Variants in NPLOC4 observed in about 807,000 individuals in gnomAD.
NPLOC4 encodes NPL4 homolog, ubiquitin recognition factor.
NPLOC4 carries 18 observed loss-of-function variants against 80.6 expected under a neutral mutation model. The observed-to-expected ratio is 0.22, with a 90% CI of 0.15 to 0.33. The LOEUF (loss-of-function observed/expected upper bound fraction) is 0.33. Ranked by LOEUF, NPLOC4 falls within the 10% of genes least tolerant of loss-of-function variation. The pLI is 1.00. For missense variants in NPLOC4, 540 were observed against 786.1 expected (o/e 0.69, Z 3.74); for synonymous variants, 313 against 301.5 (o/e 1.04, Z -0.39).
intron 16 of NPLOC4, among the ~76,000 whole-genome samples, chr17:81,559,877 C>T (rs535528554): frequency 6.6e-6 from 1 of 151,790 alleles, no homozygotes; most frequent in Non-Finnish European, 1.5e-5. Flanking sequence ...GGATTACAGG[C>T]ATGAACCACA....
At position 81,619,505 on chromosome 17, in the gene NPLOC4, A is replaced by T. The variant is rs371136316; in HGVS notation, c.209+2661T>A. On this transcript the variant is annotated intron_variant, in intron 3 of 16. Coordinates refer to ENST00000331134, the MANE Select transcript of NPLOC4 (RefSeq NM_017921.4). ...GCAGAGGTTGTGGTGAGCTGAGACC[A>T]TGCCACTGCACTCTAGCCTGGGCAA... Among the ~76,000 whole-genome samples, 10 of 147,964 alleles carry T rather than the reference A, an allele frequency of 6.8e-5. No individual in the cohort carries two copies. In the East Asian group the frequency reaches 1.2e-3, roughly 18 times the overall value.
At chr17:81,611,612 A>G (rs548918330) in intron 4 of NPLOC4, among the ~76,000 whole-genome samples, 9 of 151,730 alleles carry the variant, frequency 5.9e-5, no homozygotes, top group African/African-American at 2.2e-4. Flanking sequence ...AGCCTCCCAA[A>G]GTGCTGGGAT....
chr17:81,571,009 G>A (rs1217774442), intron 13 of NPLOC4, among the ~76,000 whole-genome samples: 1 of 152,060 alleles, frequency 6.6e-6, no homozygotes, highest in Non-Finnish European at 1.5e-5. Flanking sequence ...AATCATGCCT[G>A]CTCCTCCTGG....
At position 81,577,247 on chromosome 17, in the gene NPLOC4, T is replaced by C. The variant is rs1168471512; in HGVS notation, c.1282-5159A>G. On this transcript the variant is annotated intron_variant, in intron 12 of 16. Transcript: ENST00000331134. The surrounding 1 kb of genome is among the most constrained non-coding windows in gnomAD (Gnocchi z 4.3). ...TGACCCGCCCCACCCCATCACTGTG[T>C]AGTCCTCGCCAGACTGCCTGTCCGC... is the stretch of plus-strand genomic sequence containing the variant. 6.6e-6 allele frequency among the ~76,000 whole-genome samples: 1 copy of C among 152,030 alleles called. No individual in the cohort carries two copies. Among genetic ancestry groups the C allele is most frequent in the Non-Finnish European group, 1.5e-5 (1 of 67,996 alleles).
Position 81,577,604 on chromosome 17 carries a change from C to T in NPLOC4, c.1282-5516G>A, listed in dbSNP as rs765191176. 6.6e-6 allele frequency among the ~76,000 whole-genome samples: 1 copy of T among 152,166 alleles called. No individual in the cohort carries two copies. The highest frequency in any genetic ancestry group is 6.5e-5 in the Admixed American group (1 of 15,272). The stretch of plus-strand genomic sequence containing the variant: ...CTCCACAGATAGTCTGAAAAGGGAA[C>T]TATTGGCCTGTATCTCTTGCCTGAG... On this transcript the variant is annotated intron_variant, in intron 12 of 16. Transcript: ENST00000331134. This position sits in a 1 kb window ranked among gnomAD's most constrained non-coding sequence, Gnocchi z 4.3.
rs762577157 is a variant in NPLOC4, at chr17:81,564,105, C to CACACACACACACACACACACACAG, written c.1669+1399_1669+1400insCTGTGTGTGTGTGTGTGTGTGTGT. 5.9e-3 allele frequency: 1,986 copies of CACACACACACACACACACACACAG among 334,386 alleles called. 9 individuals are homozygous for CACACACACACACACACACACACAG. The highest frequency in any genetic ancestry group is 0.011 in the Middle Eastern group (10 of 920). 20.7% of individuals were successfully genotyped at this position (334,386 alleles called of 1,614,324 possible). A position where few individuals can be genotyped will look rare whatever the true frequency, so the allele number is the denominator to read the frequency against. On this transcript the variant is annotated intron_variant, in intron 16 of 16. Transcript: ENST00000331134. ...CAAAACACACACACACACACACACACACACACACACACAAAGAGCAGGGCG... is the reference window on the plus strand; with the variant it reads ...CAAAACACACACACACACACACACACACACACACACACACACACACACAGACACACACACACAAAGAGCAGGGCG...
At chr17:81,616,333 A>AAAAAAAAAAAAAAAAAGAAAC (rs780878214) in intron 3 of NPLOC4, among the ~76,000 whole-genome samples, 3 of 115,612 alleles carry the variant, frequency 2.6e-5, no homozygotes, top group Admixed American at 1.0e-4. Context: ...AAAAAAAAAA[A>AAAAAAAAAAAAAAAAAGAAAC]AAAAAGAAAA....
rs575167333 is a variant in NPLOC4 at position 81,618,507 on chromosome 17, G to A, written c.209+3659C>T. On this transcript the variant is annotated intron_variant, in intron 3 of 16. Coordinates refer to ENST00000331134, the MANE Select transcript of NPLOC4 (RefSeq NM_017921.4). ...AGGTGGGGGGTCAGCGACCCCGCCC[G>A]GCCAGCCGCCCCGTCCGGGAGGGAG... 7.0e-3 allele frequency among the ~76,000 whole-genome samples: 914 copies of A among 130,888 alleles called. 16 individuals carry two copies. Among genetic ancestry groups the A allele is most frequent in the Middle Eastern group, 0.023 (6 of 256 alleles). 85.9% of individuals were successfully genotyped at this position (130,888 alleles called of 152,430 possible). A position where few individuals can be genotyped will look rare whatever the true frequency, so the allele number is the denominator to read the frequency against.
intron 3 of NPLOC4, among the ~76,000 whole-genome samples, chr17:81,616,798 T>C (rs531736043): frequency 1.2e-3 from 178 of 150,524 alleles, no homozygotes; most frequent in Non-Finnish European, 1.6e-3. Context: ...TAACAGAGAG[T>C]TAGACTGCCA....
At chr17:81,587,061 C>A (rs541699328) in intron 12 of NPLOC4, among the ~76,000 whole-genome samples, 1 of 152,146 alleles carries the variant, frequency 6.6e-6, no homozygotes, top group Non-Finnish European at 1.5e-5. Flanking sequence ...AGACGGTCCA[C>A]GGAAAACACA....
intron 13 of NPLOC4, 74 bp from the exon 14 acceptor site, chr17:81,569,185 C>G: frequency 1.1e-6 from 1 of 937,868 alleles, no homozygotes; most frequent in Admixed American, 1.9e-5. Flanking sequence ...CAGCCCAGAG[C>G]ATCTCCCAGA....
At chr17:81,592,847 G>T (rs1006212705) in intron 11 of NPLOC4, among the ~76,000 whole-genome samples, 10 of 152,210 alleles carry the variant, frequency 6.6e-5, no homozygotes, top group Non-Finnish European at 1.3e-4. Flanking sequence ...GGCCGGGTGT[G>T]TTGGCATGCG....
intron 15 of NPLOC4, among the ~76,000 whole-genome samples, chr17:81,566,160 C>T (rs1230481687): frequency 6.6e-6 from 1 of 152,128 alleles, no homozygotes; most frequent in Non-Finnish European, 1.5e-5. Flanking sequence ...GGCGAAACCC[C>T]GTCTCTACTA....
rs541893864 is a variant in NPLOC4, at chr17:81,580,827, A to G, written c.1281+8117T>C. Among the ~76,000 whole-genome samples the G allele has an allele frequency of 1.3e-5, 2 of 152,352 alleles. No individual in the cohort carries two copies. Among genetic ancestry groups the G allele is most frequent in the Non-Finnish European group, 2.9e-5 (2 of 68,032 alleles). On this transcript the variant is annotated intron_variant, in intron 12 of 16. Coordinates refer to ENST00000331134, the MANE Select transcript of NPLOC4 (RefSeq NM_017921.4). The surrounding 1 kb of genome is among the most constrained non-coding windows in gnomAD (Gnocchi z 4.4). Reference sequence around the variant, plus strand: ...AATGGATGCCGTGAGAGCATCGCACAGTGAATCAGGTCAGTGCTACCAAGG... The same window carrying G: ...AATGGATGCCGTGAGAGCATCGCACGGTGAATCAGGTCAGTGCTACCAAGG...
intron 3 of NPLOC4, among the ~76,000 whole-genome samples, chr17:81,615,819 T>C (rs1280738761): frequency 1.3e-5 from 2 of 152,140 alleles, no homozygotes; most frequent in Non-Finnish European, 2.9e-5. Flanking sequence ...CCCATCTGCC[T>C]CTATCCAGTA....
intron 5 of NPLOC4, among the ~76,000 whole-genome samples, chr17:81,609,563 G>T (rs1328358884): frequency 6.6e-6 from 1 of 152,168 alleles, no homozygotes; most frequent in Non-Finnish European, 1.5e-5. Flanking sequence ...TCTGGCCCTG[G>T]CCTCCCAAAG....
Position 81,567,020 on chromosome 17 carries a change from A to G in NPLOC4, c.1566+397T>C, listed in dbSNP as rs954177121. ...GCAATAAAACCAGAGTTGATTTAGG[A>G]GGAGGGGAGATATGAGTAAAAAGCA... is the stretch of plus-strand genomic sequence containing the variant. On this transcript the variant is annotated intron_variant, in intron 15 of 16. Transcript: ENST00000331134. This position sits in a 1 kb window ranked among gnomAD's most constrained non-coding sequence, Gnocchi z 4.5. 1.6e-5 allele frequency: 3 copies of G among 185,544 alleles called. No individual in the cohort carries two copies. Among genetic ancestry groups the G allele is most frequent in the African/African-American group, 4.7e-5 (2 of 42,300 alleles). 11.5% of individuals were successfully genotyped at this position (185,544 alleles called of 1,614,324 possible).
intron 5 of NPLOC4, 56 bp downstream of exon 5, chr17:81,610,154 C>G (rs913349392): frequency 9.5e-5 from 142 of 1,496,192 alleles, no homozygotes; most frequent in Non-Finnish European, 1.2e-4. Context: ...CTTAAGACAG[C>G]TGTCTACCCG....
At chr17:81,575,139 G>A (rs1467071967) in intron 12 of NPLOC4, among the ~76,000 whole-genome samples, 2 of 152,066 alleles carry the variant, frequency 1.3e-5, no homozygotes, top group African/African-American at 2.4e-5. Flanking sequence ...TCGCTCTGTC[G>A]CCCAGGCTGG....
Sources: allele counts gnomAD v4.1 joint callset (sites outside exome capture counted in the v4.1 genomes callset), GRCh38; gene constraint gnomAD v4.1.1; non-coding constraint Gnocchi (gnomAD v3.1); transcripts MANE v1.5; gene names NCBI Gene and HGNC (gene_info 2026-07-23, HGNC 2026-07-21).